The following PFKFB3 variants were observed in gnomAD, a reference collection of about 807,000 sequenced individuals.
The protein encoded by PFKFB3 is 6-phosphofructo-2-kinase/fructose-2,6-bisphosphatase 3.
Under a neutral mutation model 68.0 loss-of-function variants are expected in PFKFB3, and 33 were observed. The observed-to-expected ratio is 0.49, with a 90% CI of 0.37 to 0.65. The LOEUF (loss-of-function observed/expected upper bound fraction) is 0.65. Ranked by LOEUF, PFKFB3 falls within the 30% of genes least tolerant of loss-of-function variation. The pLI is 0.00. For synonymous variants in PFKFB3, 315 were observed against 288.2 expected (o/e 1.09, Z -0.94); for missense variants, 586 against 712.2 (o/e 0.82, Z 2.02).
At position 6,196,611 on chromosome 10, in the gene PFKFB3, G is replaced by C. The variant is rs142162388; in HGVS notation, c.17-17012G>C. On this transcript the variant is annotated intron_variant, in intron 1 of 14. Coordinates refer to the PFKFB3 transcript ENST00000379789. Reference sequence around the variant, plus strand: ...CATTCAGCACAGGAGAAAGATGTAGGCGCAGAGACTAAGCCAGTCTAGTCT... The same window carrying C: ...CATTCAGCACAGGAGAAAGATGTAGCCGCAGAGACTAAGCCAGTCTAGTCT... 4.3e-3 allele frequency among the ~76,000 whole-genome samples: 653 copies of C among 152,290 alleles called. 6 individuals carry two copies. The highest frequency in any genetic ancestry group is 0.014 in the South Asian group (66 of 4,822).
chr10:6,307,981 G>A, the PFKFB3 span, among the ~76,000 whole-genome samples: 2 of 152,140 alleles, frequency 1.3e-5, no homozygotes, highest in South Asian at 4.1e-4. Flanking sequence ...TTTCTCTCAC[G>A]CTCTTGCTTT....
rs149669554 is a variant in PFKFB3 at position 6,249,494 on chromosome 10, A to C, written c.1516-4684A>C. On this transcript the variant is annotated intron_variant, in intron 14 of 14. Transcript: ENST00000640683. ...AAAGAAGATATGGCATATATACAAA[A>C]TGGGGTACTATTCAACCATAAAAAT... Among the ~76,000 whole-genome samples the C allele has an allele frequency of 4.3e-3, 662 of 152,362 alleles. 20 individuals are homozygous for C. Among genetic ancestry groups the C allele is most frequent in the Admixed American group, 0.036 (556 of 15,310 alleles).
At chr10:6,284,039 TTTC>T in the PFKFB3 span, among the ~76,000 whole-genome samples, 2 of 152,234 alleles carry the variant, frequency 1.3e-5, no homozygotes, top group Non-Finnish European at 2.9e-5. Flanking sequence ...ACAATACATC[TTTC>T]TCACTGCGAA....
downstream of PFKFB3, among the ~76,000 whole-genome samples, chr10:6,238,260 G>C (rs1846065028): frequency 6.6e-6 from 1 of 151,964 alleles, no homozygotes; most frequent in South Asian, 2.1e-4. Context: ...CACCTCCCAG[G>C]TTCAAGTGAT....
At chr10:6,164,799 TTA>T (rs1303284079) in intron 1 of PFKFB3, among the ~76,000 whole-genome samples, 1 of 152,132 alleles carries the variant, frequency 6.6e-6, no homozygotes, top group Non-Finnish European at 1.5e-5. Flanking sequence ...TAGGCTAAGT[TTA>T]TGTTTCCCTT....
chr10:6,231,477 C>T (rs960538934), intron 14 of PFKFB3: 2 of 985,346 alleles, frequency 2.0e-6, no homozygotes, highest in Non-Finnish European at 2.4e-6. Flanking sequence ...TCTCTCACCC[C>T]CCACGTGTCC....
the PFKFB3 span, among the ~76,000 whole-genome samples, chr10:6,307,531 TTCCTTCCTTCC>T: frequency 5.5e-5 from 8 of 146,716 alleles, no homozygotes; most frequent in African/African-American, 1.7e-4. Flanking sequence ...CCTTCCTTCC[TTCCTTCCTTCC>T]TTCCTTCCTT....
intron 14 of PFKFB3, among the ~76,000 whole-genome samples, chr10:6,248,176 T>A (rs964373166): frequency 6.6e-6 from 1 of 152,216 alleles, no homozygotes; most frequent in Non-Finnish European, 1.5e-5. Context: ...GTTATTGTTG[T>A]GATTTCCCTG....
intron 1 of PFKFB3, among the ~76,000 whole-genome samples, chr10:6,185,631 C>T (rs1842848021): frequency 7.1e-6 from 1 of 141,022 alleles, no homozygotes; most frequent in Non-Finnish European, 1.5e-5. Context: ...AGTACTTCCT[C>T]CCCGCTCCTT....
intron 1 of PFKFB3, among the ~76,000 whole-genome samples, chr10:6,173,294 C>G (rs2387015): frequency 6.6e-6 from 1 of 151,984 alleles, no homozygotes; most frequent in Admixed American, 6.5e-5. Flanking sequence ...GAGGTCGAGG[C>G]GCAACCTGTA....
the PFKFB3 span, among the ~76,000 whole-genome samples, chr10:6,301,908 A>C: frequency 1.3e-5 from 2 of 152,324 alleles, no homozygotes; most frequent in South Asian, 4.1e-4. Flanking sequence ...ATTAATGACT[A>C]ACCAACCTCG....
At position 6,153,840 on chromosome 10, in the gene PFKFB3, C is replaced by T. The variant is rs564554539; in HGVS notation, c.16+8827C>T. The stretch of plus-strand genomic sequence containing the variant: ...CTGCACGCCAGCCTGGGAGACAGAG[C>T]GAGACTCCATCTAAAAAAAAAAAGA... On this transcript the variant is annotated intron_variant, in intron 1 of 14. Coordinates refer to the PFKFB3 transcript ENST00000379789. 3.5e-3 allele frequency among the ~76,000 whole-genome samples: 533 copies of T among 150,744 alleles called. 6 individuals are homozygous for T. Among genetic ancestry groups the T allele is most frequent in the African/African-American group, 0.012 (511 of 40,972 alleles).
intron 1 of PFKFB3, among the ~76,000 whole-genome samples, chr10:6,208,812 A>G (rs1303057208): frequency 1.3e-5 from 2 of 152,202 alleles, no homozygotes; most frequent in Admixed American, 6.5e-5. Flanking sequence ...TTCACCATCC[A>G]TCTGGCTGCT....
chr10:6,243,263 G>T (rs142992291), intron 14 of PFKFB3, among the ~76,000 whole-genome samples: 5 of 152,184 alleles, frequency 3.3e-5, no homozygotes, highest in Non-Finnish European at 5.9e-5. Flanking sequence ...ACTGCCGCAC[G>T]TCCCAAGCAG....
At chr10:6,236,107 G>A (rs545189525), downstream of PFKFB3, among the ~76,000 whole-genome samples, 68 of 152,088 alleles carry the variant, frequency 4.5e-4, no homozygotes, top group African/African-American at 1.5e-3. Flanking sequence ...CCCCTTCCCC[G>A]CGCCCTTTTA....
intron 1 of PFKFB3, among the ~76,000 whole-genome samples, chr10:6,176,395 A>G (rs564040827): frequency 1.3e-5 from 2 of 152,216 alleles, no homozygotes; most frequent in South Asian, 2.1e-4. Flanking sequence ...AATGTATTCT[A>G]TACTTCTCAT....
At chr10:6,275,340 G>T in the PFKFB3 span, among the ~76,000 whole-genome samples, 1 of 152,240 alleles carries the variant, frequency 6.6e-6, no homozygotes, top group Admixed American at 6.5e-5. This position sits in a 1 kb window ranked among gnomAD's most constrained non-coding sequence, Gnocchi z 4.9. Context: ...GTGTGGAGAA[G>T]GTGCCAGTTC....
the PFKFB3 span, among the ~76,000 whole-genome samples, chr10:6,284,880 T>C: frequency 6.6e-6 from 1 of 152,230 alleles, no homozygotes; most frequent in African/African-American, 2.4e-5. Context: ...CAATAATGTT[T>C]TTAAGGTTTA....
chr10:6,262,379 T>A, the PFKFB3 span, among the ~76,000 whole-genome samples: 1 of 68,340 alleles, frequency 1.5e-5, no homozygotes, highest in Non-Finnish European at 3.6e-5. Context: ...GCGTGAACCC[T>A]GGGGGGCGGA....
Sources: allele counts gnomAD v4.1 joint callset (sites outside exome capture counted in the v4.1 genomes callset), GRCh38; gene constraint gnomAD v4.1.1; non-coding constraint Gnocchi (gnomAD v3.1); transcripts MANE v1.5; gene names NCBI Gene and HGNC (gene_info 2026-07-23, HGNC 2026-07-21).